BCO2: variants seen among roughly 807,000 people sequenced by gnomAD.
BCO2 encodes beta-carotene oxygenase 2.
Under a neutral mutation model 65.8 loss-of-function variants are expected in BCO2, and 56 were observed. The ratio of observed to expected loss-of-function variants is 0.85; its 90% CI spans 0.69 to 1.06. BCO2 has a LOEUF of 1.06. Ranked by LOEUF, BCO2 falls within the 50% of genes least tolerant of loss-of-function variation. The pLI is 0.00. For missense variants in BCO2, 675 were observed against 698.5 expected (o/e 0.97, Z 0.38); for synonymous variants, 233 against 242.3 (o/e 0.96, Z 0.36).
rs1301036615 is a variant in BCO2 at position 112,175,690 on chromosome 11, G to A, written c.88+1G>A. 5 of 1,611,830 alleles carry A rather than the reference G, an allele frequency of 3.1e-6. No homozygotes were observed. In the South Asian group the frequency reaches 4.4e-5, roughly 14 times the overall value. ...CCTGTGATGGTGCACCGGCTCCCAG[G>A]TAGAGGGTTTGCCCCTTTCTCTTCC... is the stretch of plus-strand genomic sequence containing the variant. On this transcript the variant is annotated splice_donor_variant, in intron 1 of 11. Coordinates refer to ENST00000357685, the MANE Select transcript of BCO2 (RefSeq NM_031938.7). LOFTEE classifies it high-confidence loss of function.
At chr11:112,192,682 T>C (rs1867425979) in intron 2 of BCO2, among the ~76,000 whole-genome samples, 2 of 149,476 alleles carry the variant, frequency 1.3e-5, no homozygotes, top group South Asian at 4.2e-4. Context: ...TCTTTCTTTT[T>C]TTTTTTTTTT....
Position 112,214,941 on chromosome 11 carries a change from G to A in BCO2, c.1512G>A (p.Leu504=). ...LIKVDVVNKT[L]KVWREDGFYP... is the part of the protein sequence containing the mutation. ...AGGTTGATGTGGTGAATAAGACACTGAAGGTGATGAAAAACTCTTTCCTTT... is the reference window on the plus strand; with the variant it reads ...AGGTTGATGTGGTGAATAAGACACTAAAGGTGATGAAAAACTCTTTCCTTT... The change falls in exon 10 of 12, where the codon CTG becomes CTA. Residue 504 remains leucine, a synonymous_variant. Transcript: ENST00000357685. 2.5e-6 allele frequency: 4 copies of A among 1,614,112 alleles called. No homozygotes were observed. The highest frequency in any genetic ancestry group is 3.4e-6 in the Non-Finnish European group (4 of 1,179,966).
At chr11:112,175,845 TAAAG>T (rs201457568) in intron 1 of BCO2, 156 bp downstream of exon 1, 23,049 of 573,202 alleles carry the variant, frequency 0.04, 645 homozygotes, top group Non-Finnish European at 0.057. Flanking sequence ...TCCTGGAAGT[TAAAG>T]AAGGCTGAGT....
chr11:112,197,852 T>C (rs763494085), intron 5 of BCO2, among the ~76,000 whole-genome samples: 1 of 152,226 alleles, frequency 6.6e-6, no homozygotes, highest in South Asian at 2.1e-4. Flanking sequence ...TCCTAGCTGA[T>C]ACTTAAACAC....
chr11:112,218,390 G>A lies in BCO2; in HGVS notation c.*516G>A, dbSNP rs142101059. On this transcript the variant is annotated 3_prime_UTR_variant, in exon 12 of 12. Transcript: ENST00000357685. ...ATTAACACTACTTTATAAGAGGTGC[G>A]GAAGACTGCCCTCACTCATCATGGC... 3.0e-4 allele frequency: 50 copies of A among 167,716 alleles called. No homozygotes were observed. The East Asian group carries it at 7.3e-3, about 25-fold the overall frequency. The allele number at this position is 167,716 out of a possible 1,614,324, so 10.4% of individuals were successfully genotyped here.
intron 2 of BCO2, among the ~76,000 whole-genome samples, chr11:112,183,596 C>A (rs901863357): frequency 6.6e-5 from 10 of 152,112 alleles, no homozygotes; most frequent in African/African-American, 2.4e-4. Context: ...TTATTGAATA[C>A]CTAGATGCAG....
At position 112,200,766 on chromosome 11, in the gene BCO2, C is replaced by G. The variant is rs764075672; in HGVS notation, c.1019C>G (p.Thr340Ser). The G allele has an allele frequency of 2.5e-6, 4 of 1,613,596 alleles. No individual in the cohort carries two copies. Among genetic ancestry groups the G allele is most frequent in the Non-Finnish European group, 3.4e-6 (4 of 1,179,846 alleles). ...CGGTTTCATGTGGTGGAAAAACGCA[C>G]TGGACAGGTGGAGTATTTTGAGTAT... ...NTRFHVVEKRTGQLLPGRYYS... is the reference protein window; with the variant it reads ...NTRFHVVEKRSGQLLPGRYYS... The change falls in exon 7 of 12, where the codon ACT becomes AGT. Residue 340 changes from threonine (T) to serine (S), a missense_variant. Physicochemically the swap from Thr to Ser is moderately conservative, Grantham distance 58. Transcript: ENST00000357685.
At chr11:112,188,856 T>G (rs1428607014) in intron 2 of BCO2, among the ~76,000 whole-genome samples, 1 of 152,066 alleles carries the variant, frequency 6.6e-6, no homozygotes, top group African/African-American at 2.4e-5. Context: ...GCCTGGCAGA[T>G]AGTAGGGACT....
intron 2 of BCO2, among the ~76,000 whole-genome samples, chr11:112,192,373 T>C (rs1251618563): frequency 1.3e-5 from 2 of 152,128 alleles, no homozygotes; most frequent in Non-Finnish European, 2.9e-5. Context: ...CTGATTAACA[T>C]GTGTTAATCA....
intron 8 of BCO2, among the ~76,000 whole-genome samples, chr11:112,204,681 A>AT (rs967208515): frequency 4.0e-5 from 6 of 151,816 alleles, no homozygotes; most frequent in Admixed American, 6.6e-5. Flanking sequence ...ATTTTATTTT[A>AT]TTTTTTTTGA....
At chr11:112,181,696 G>A (rs1867056187) in intron 2 of BCO2, 3 of 979,194 alleles carry the variant, frequency 3.1e-6, no homozygotes, top group Non-Finnish European at 5.0e-6. Context: ...GAATTTGTCC[G>A]ATTTTTACTA....
At position 112,194,007 on chromosome 11, in the gene BCO2, T is replaced by TAA. The variant is rs142235291; in HGVS notation, c.633+21_633+22dup. ...AAAAACAGAAAAGGTAAAGTACAGG[T>TAA]AAAAAAAAATGAATAAAATAGATCC... On this transcript the variant is annotated intron_variant, in intron 4 of 11. Coordinates refer to ENST00000357685, the MANE Select transcript of BCO2 (RefSeq NM_031938.7). The TAA allele has an allele frequency of 1.5e-6, 2 of 1,290,376 alleles. No homozygotes were observed. The highest frequency in any genetic ancestry group is 1.5e-5 in the African/African-American group (1 of 67,832). The allele number at this position is 1,290,376 out of a possible 1,614,324, so 79.9% of individuals were successfully genotyped here.
intron 5 of BCO2, 43 bp from the exon 6 acceptor site, chr11:112,199,656 G>T: frequency 6.3e-7 from 1 of 1,584,482 alleles, no homozygotes; most frequent in Non-Finnish European, 8.6e-7. Flanking sequence ...TTTTAATCTA[G>T]AATATATGTA....
intron 5 of BCO2, 59 bp downstream of exon 5, chr11:112,194,814 A>G (rs1867522559): frequency 5.8e-6 from 7 of 1,205,674 alleles, no homozygotes; most frequent in Middle Eastern, 1.9e-4. Context: ...GTGTGTATAT[A>G]AAGATGAATA....
chr11:112,175,749 A>G, intron 1 of BCO2, 60 bp downstream of exon 1: 1 of 1,427,980 alleles, frequency 7.0e-7, no homozygotes, highest in Non-Finnish European at 9.9e-7. Flanking sequence ...TGCGCTTAGA[A>G]TTCTGTGCCT....
chr11:112,197,372 A>T (rs1310013373), intron 5 of BCO2, among the ~76,000 whole-genome samples: 1 of 151,848 alleles, frequency 6.6e-6, no homozygotes, highest in Non-Finnish European at 1.5e-5. Flanking sequence ...ATATAGCAAG[A>T]CCTCATCTCT....
chr11:112,206,178 C>T (rs1301219557), intron 8 of BCO2, among the ~76,000 whole-genome samples: 5 of 151,260 alleles, frequency 3.3e-5, no homozygotes, highest in African/African-American at 9.7e-5. Flanking sequence ...CGGGCAGAGG[C>T]GCTCCTCACA....
chr11:112,217,456 A>G (rs541854465), intron 11 of BCO2, among the ~76,000 whole-genome samples: 1 of 152,280 alleles, frequency 6.6e-6, no homozygotes. Context: ...TCTGCCTCCC[A>G]GGCTCAAGCG....
At chr11:112,203,795 T>C (rs916152287) in intron 8 of BCO2, among the ~76,000 whole-genome samples, 30 of 152,298 alleles carry the variant, frequency 2.0e-4, no homozygotes, top group Non-Finnish European at 3.5e-4. Flanking sequence ...TGTCTTTCTC[T>C]GTGTATTTGA....
Sources: allele counts gnomAD v4.1 joint callset (sites outside exome capture counted in the v4.1 genomes callset), GRCh38; gene constraint gnomAD v4.1.1; transcripts MANE v1.5; gene names NCBI Gene and HGNC (gene_info 2026-07-23, HGNC 2026-07-21).